BLTP3A: variants seen among roughly 807,000 people sequenced by gnomAD.
BLTP3A encodes bridge-like lipid transfer protein family member 3A, also known as ICBP90 binding protein 1.
At chr6:34,823,556 T>C in the BLTP3A span, among the ~76,000 whole-genome samples, 2,274 of 150,288 alleles carry the variant, frequency 0.015, 34 homozygotes, top group Non-Finnish European at 0.025. Context: ...TTTTTTTTTT[T>C]CCCTGGGATA....
the BLTP3A span, among the ~76,000 whole-genome samples, chr6:34,824,148 C>T: frequency 6.6e-6 from 1 of 152,004 alleles, no homozygotes; most frequent in South Asian, 2.1e-4. Context: ...ACCATGTTGC[C>T]CAGGCTGGTT....
At chr6:34,836,473 A>G in the BLTP3A span, 1 of 877,082 alleles carries the variant, frequency 1.1e-6, no homozygotes, top group Non-Finnish European at 1.7e-6. Flanking sequence ...TCCCTTAATC[A>G]CAGGCATTCC....
chr6:34,810,620 CA>C, the BLTP3A span, among the ~76,000 whole-genome samples: 1 of 152,140 alleles, frequency 6.6e-6, no homozygotes, highest in Non-Finnish European at 1.5e-5. Flanking sequence ...AGGCGTGTGC[CA>C]CCATGCCCAG....
chr6:34,856,095 T>C, the BLTP3A span: 1 of 1,228,078 alleles, frequency 8.1e-7, no homozygotes, highest in South Asian at 1.5e-5. Flanking sequence ...CAACCTATCA[T>C]TGGATAATTT....
chr6:34,817,944 C>T, the BLTP3A span, among the ~76,000 whole-genome samples: 52 of 152,002 alleles, frequency 3.4e-4, 1 homozygote, highest in Admixed American at 2.2e-3. Flanking sequence ...AGCTCCGCCT[C>T]CCGGGTTCAC....
the BLTP3A span, chr6:34,856,938 A>G: frequency 9.3e-6 from 15 of 1,608,036 alleles, no homozygotes; most frequent in African/African-American, 2.0e-4. Context: ...AGGTGAGGAC[A>G]TGAGGAAACA....
the BLTP3A span, among the ~76,000 whole-genome samples, chr6:34,794,146 C>T: frequency 2.2e-5 from 3 of 138,268 alleles, no homozygotes; most frequent in African/African-American, 9.1e-5. Flanking sequence ...GGTGACAGAG[C>T]GAGACTGTCT....
At chr6:34,845,888 C>T in the BLTP3A span, among the ~76,000 whole-genome samples, 12 of 151,928 alleles carry the variant, frequency 7.9e-5, no homozygotes, top group South Asian at 6.2e-4. Context: ...TGAGCCACCG[C>T]GCCCGGCCTA....
At chr6:34,817,954 C>G in the BLTP3A span, among the ~76,000 whole-genome samples, 1 of 151,758 alleles carries the variant, frequency 6.6e-6, no homozygotes, top group African/African-American at 2.4e-5. Context: ...CCCGGGTTCA[C>G]GCCATTCTCC....
At chr6:34,829,637 C>T in the BLTP3A span, among the ~76,000 whole-genome samples, 1 of 151,808 alleles carries the variant, frequency 6.6e-6, no homozygotes. Flanking sequence ...TCTGGTTCTT[C>T]TTCTTTTTTT....
chr6:34,840,846 G>A, the BLTP3A span, among the ~76,000 whole-genome samples: 10 of 151,922 alleles, frequency 6.6e-5, no homozygotes, highest in Admixed American at 6.6e-4. Context: ...TCGATTCCCT[G>A]ACCTTGTGAT....
chr6:34,804,570 T>C, the BLTP3A span, among the ~76,000 whole-genome samples: 1 of 152,028 alleles, frequency 6.6e-6, no homozygotes, highest in Non-Finnish European at 1.5e-5. Context: ...GCAGGGTGCA[T>C]TTAGGAGATT....
the BLTP3A span, chr6:34,876,687 G>A: frequency 6.6e-6 from 1 of 152,216 alleles, no homozygotes; most frequent in African/African-American, 2.4e-5. Context: ...AAGGGTTTCA[G>A]AGAGAATCTG....
the BLTP3A span, among the ~76,000 whole-genome samples, chr6:34,804,010 G>A: frequency 5.9e-5 from 9 of 152,084 alleles, no homozygotes; most frequent in Non-Finnish European, 1.3e-4. Context: ...TCTTCACAGC[G>A]GCTGATACGA....
the BLTP3A span, chr6:34,864,192 G>C: frequency 1.2e-6 from 2 of 1,613,504 alleles, no homozygotes; most frequent in Non-Finnish European, 1.7e-6. Context: ...GATGCTCTTG[G>C]AGTCTGGTAT....
chr6:34,799,398 G>GA, the BLTP3A span, among the ~76,000 whole-genome samples: 1 of 152,102 alleles, frequency 6.6e-6, no homozygotes, highest in African/African-American at 2.4e-5. Flanking sequence ...GCTGAAGCAG[G>GA]AGGATCACTT....
chr6:34,836,427 CT>C, the BLTP3A span: 2 of 1,376,908 alleles, frequency 1.5e-6, no homozygotes, highest in Non-Finnish European at 2.0e-6. Flanking sequence ...GATGAAGGCT[CT>C]TTTCAGAAGA....
chr6:34,842,352 A>G, the BLTP3A span, among the ~76,000 whole-genome samples: 1 of 152,254 alleles, frequency 6.6e-6, no homozygotes, highest in Non-Finnish European at 1.5e-5. Flanking sequence ...ATAGGGTTGT[A>G]TAACGATCTC....
the BLTP3A span, chr6:34,859,587 C>T: frequency 1.1e-5 from 18 of 1,611,628 alleles, no homozygotes; most frequent in South Asian, 1.9e-4. Context: ...TGGCTCTGTA[C>T]CTCCTTCACT....
Sources: gnomAD v4.1 joint callset for allele counts (sites outside exome capture counted in the v4.1 genomes callset) on GRCh38, gnomAD v4.1.1 for gene constraint, MANE v1.5 for transcripts, NCBI Gene and HGNC (gene_info 2026-07-23, HGNC 2026-07-21) for gene names.